The following CNTN4 variants were observed in gnomAD, a reference collection of about 807,000 sequenced individuals.
CNTN4 encodes the protein contactin 4.
CNTN4 carries 77 observed loss-of-function variants against 122.5 expected under a neutral mutation model. That is an observed-to-expected ratio of 0.63 (90% CI 0.52 to 0.76). The LOEUF (loss-of-function observed/expected upper bound fraction) is 0.76. CNTN4 is among the 30% of genes least tolerant of loss of function. CNTN4 has a pLI of 0.00. For synonymous variants in CNTN4, 512 were observed against 447.0 expected (o/e 1.15, Z -1.83); for missense variants, 1,256 against 1,259.1 (o/e 1.00, Z 0.04).
In CNTN4 at chr3:2,765,840, A is replaced by G. The variant is rs564266104; in HGVS notation, c.358+20143A>G. 4.6e-5 allele frequency among the ~76,000 whole-genome samples: 7 copies of G among 152,330 alleles called. 2 individuals carry two copies. The highest frequency in any genetic ancestry group is 1.7e-4 in the African/African-American group (7 of 41,582). On this transcript the variant is annotated intron_variant, in intron 6 of 24. Coordinates refer to ENST00000418658, the MANE Select transcript of CNTN4 (RefSeq NM_175607.3). ...AATAACCTAAAACTGATCAAAATAA[A>G]TATTTAGTGACTGTTTCTTCAATGA...
At chr3:2,312,750 A>G (rs945555750) in intron 2 of CNTN4, among the ~76,000 whole-genome samples, 7 of 152,112 alleles carry the variant, frequency 4.6e-5, no homozygotes, top group African/African-American at 1.7e-4. Flanking sequence ...TGGAGAAACC[A>G]GTGTTTCCAG....
At chr3:2,889,597 G>A (rs2094016038) in intron 10 of CNTN4, among the ~76,000 whole-genome samples, 1 of 152,126 alleles carries the variant, frequency 6.6e-6, no homozygotes, top group Non-Finnish European at 1.5e-5. Context: ...TTCTATATCA[G>A]ATAGGAACAA....
chr3:2,452,936 C>G (rs2048881495), intron 3 of CNTN4, among the ~76,000 whole-genome samples: 1 of 151,948 alleles, frequency 6.6e-6, no homozygotes, highest in Non-Finnish European at 1.5e-5. Context: ...TGTTGTAATA[C>G]TGGCCTTCAT....
chr3:2,892,575 C>T (rs1055241999), intron 10 of CNTN4, among the ~76,000 whole-genome samples: 3 of 152,174 alleles, frequency 2.0e-5, no homozygotes, highest in African/African-American at 7.2e-5. Flanking sequence ...TTCATCTTTG[C>T]ACTTCATTCT....
At chr3:2,171,772 G>A (rs2036526690) in intron 2 of CNTN4, among the ~76,000 whole-genome samples, 1 of 152,158 alleles carries the variant, frequency 6.6e-6, no homozygotes, top group Non-Finnish European at 1.5e-5. Context: ...AAGATCATTA[G>A]TATACTGTAT....
At chr3:2,299,720 T>G (rs1302949272) in intron 2 of CNTN4, among the ~76,000 whole-genome samples, 1 of 152,136 alleles carries the variant, frequency 6.6e-6, no homozygotes, top group East Asian at 1.9e-4. Flanking sequence ...AAATTTGTGT[T>G]TAAAAACTTG....
intron 2 of CNTN4, among the ~76,000 whole-genome samples, chr3:2,242,628 C>T (rs946416402): frequency 3.3e-5 from 5 of 152,192 alleles, no homozygotes; most frequent in Non-Finnish European, 7.4e-5. Context: ...GAAAATTGTC[C>T]TTGAATAGTC....
intron 2 of CNTN4, among the ~76,000 whole-genome samples, chr3:2,235,553 A>G (rs1306612120): frequency 6.6e-6 from 1 of 152,048 alleles, no homozygotes; most frequent in African/African-American, 2.4e-5. Flanking sequence ...TTTCTCCCCA[A>G]TGCAAATTGT....
intron 4 of CNTN4, among the ~76,000 whole-genome samples, chr3:2,674,903 C>T (rs1007849350): frequency 6.6e-6 from 1 of 152,180 alleles, no homozygotes; most frequent in African/African-American, 2.4e-5. Flanking sequence ...AGTTCCCAGC[C>T]TCTAGTAGCC....
chr3:2,945,828 C>T (rs563747993), intron 13 of CNTN4, among the ~76,000 whole-genome samples: 3 of 152,126 alleles, frequency 2.0e-5, no homozygotes, highest in African/African-American at 4.8e-5. Context: ...TGTGTCAAAC[C>T]TAAAAAATCA....
chr3:2,951,252 G>A (rs1235609593), intron 13 of CNTN4, among the ~76,000 whole-genome samples: 1 of 152,200 alleles, frequency 6.6e-6, no homozygotes, highest in Non-Finnish European at 1.5e-5. Context: ...TTCCACAGAT[G>A]GCGGGTGGGG....
At chr3:2,583,343 C>G (rs573207234) in intron 4 of CNTN4, among the ~76,000 whole-genome samples, 70 of 152,204 alleles carry the variant, frequency 4.6e-4, no homozygotes, top group Middle Eastern at 3.4e-3. Flanking sequence ...GTGAGAAAAC[C>G]GAAGAGCAAA....
intron 3 of CNTN4, among the ~76,000 whole-genome samples, chr3:2,448,365 A>G (rs2048700874): frequency 6.6e-6 from 1 of 152,178 alleles, no homozygotes; most frequent in African/African-American, 2.4e-5. Context: ...GCAAATGAGA[A>G]TAAAGATGGA....
chr3:2,688,233 A>T (rs747628314), intron 4 of CNTN4, among the ~76,000 whole-genome samples: 28 of 152,108 alleles, frequency 1.8e-4, no homozygotes, highest in Non-Finnish European at 3.2e-4. Flanking sequence ...ACCTATTGAG[A>T]GAAATAGCTA....
At position 2,819,478 on chromosome 3, in the gene CNTN4, C is replaced by G. The variant is rs1306990811; in HGVS notation, c.359-8C>G. 1 of 1,607,468 alleles carries G rather than the reference C, an allele frequency of 6.2e-7. No homozygotes were observed. The highest frequency in any genetic ancestry group is 1.7e-5 in the Admixed American group (1 of 60,004). On this transcript the variant is annotated splice_region_variant and splice_polypyrimidine_tract_variant and intron_variant, in intron 6 of 24. Coordinates refer to ENST00000418658, the MANE Select transcript of CNTN4 (RefSeq NM_175607.3). ...TTTAAATGCTTTTTCCCATATTTCT[C>G]CCAACAGATCTTGACAACTTTAAAA...
chr3:2,824,801 T>C (rs1336598300), intron 7 of CNTN4, among the ~76,000 whole-genome samples: 1 of 151,876 alleles, frequency 6.6e-6, no homozygotes, highest in Non-Finnish European at 1.5e-5. Flanking sequence ...TAGCTGGGAT[T>C]ACAGGAGTGC....
At chr3:2,612,341 T>G (rs114480857) in intron 4 of CNTN4, among the ~76,000 whole-genome samples, 3,821 of 152,240 alleles carry the variant, frequency 0.025, 90 homozygotes, top group Non-Finnish European at 0.036. Context: ...AAGCCTATTT[T>G]ATAATAAAGT....
intron 2 of CNTN4, among the ~76,000 whole-genome samples, chr3:2,180,061 T>A (rs532284261): frequency 3.3e-4 from 50 of 151,584 alleles, no homozygotes; most frequent in African/African-American, 1.1e-3. Context: ...GCTGCTGAAT[T>A]AGATGGTGCA....
At chr3:2,684,343 A>G (rs896413288) in intron 4 of CNTN4, among the ~76,000 whole-genome samples, 1 of 152,176 alleles carries the variant, frequency 6.6e-6, no homozygotes, top group Admixed American at 6.6e-5. Flanking sequence ...AGAATCCTGG[A>G]CAGCTAGGGG....
Sources: allele counts gnomAD v4.1 joint callset (sites outside exome capture counted in the v4.1 genomes callset), GRCh38; gene constraint gnomAD v4.1.1; transcripts MANE v1.5; gene names NCBI Gene and HGNC (gene_info 2026-07-23, HGNC 2026-07-21).